TAF1B: variants seen among roughly 807,000 people sequenced by gnomAD.
The protein encoded by TAF1B is TATA box-binding protein-associated factor RNA polymerase I subunit B.
TAF1B carries 61 observed loss-of-function variants against 83.9 expected under a neutral mutation model. The observed-to-expected ratio is 0.73, with a 90% CI of 0.59 to 0.90. The LOEUF is 0.90. TAF1B is among the 40% of genes least tolerant of loss of function. TAF1B has a pLI of 0.00. For missense variants in TAF1B, 625 were observed against 677.0 expected (o/e 0.92, Z 0.85); for synonymous variants, 221 against 224.6 (o/e 0.98, Z 0.14).
At chr2:9,921,679 G>A (rs1453639430) in intron 14 of TAF1B, among the ~76,000 whole-genome samples, 1 of 152,122 alleles carries the variant, frequency 6.6e-6, no homozygotes, top group African/African-American at 2.4e-5. Flanking sequence ...GGAGTATATG[G>A]ATTAAAAATT....
intron 3 of TAF1B, among the ~76,000 whole-genome samples, chr2:9,850,579 T>G (rs1663353921): frequency 6.6e-6 from 1 of 152,154 alleles, no homozygotes; most frequent in Non-Finnish European, 1.5e-5. Context: ...CTTTGTGACA[T>G]TCAGGTAAGG....
At chr2:9,927,865 T>A (rs548033821) in intron 14 of TAF1B, among the ~76,000 whole-genome samples, 2 of 152,366 alleles carry the variant, frequency 1.3e-5, no homozygotes, top group East Asian at 3.9e-4. Context: ...CTTGTTAGTT[T>A]AATTAGGTCC....
chr2:9,884,013 G>A (rs942648583), intron 8 of TAF1B, among the ~76,000 whole-genome samples: 14 of 152,184 alleles, frequency 9.2e-5, no homozygotes, highest in African/African-American at 2.9e-4. Flanking sequence ...TCACGCTACC[G>A]GCCTGGGTCT....
intron 5 of TAF1B, among the ~76,000 whole-genome samples, chr2:9,867,406 C>T (rs1664021029): frequency 6.6e-6 from 1 of 152,234 alleles, no homozygotes; most frequent in Non-Finnish European, 1.5e-5. Flanking sequence ...GCCTCCTTCT[C>T]ACAGGGCTTC....
At chr2:9,867,808 T>C (rs1487215604) in intron 5 of TAF1B, among the ~76,000 whole-genome samples, 1 of 152,156 alleles carries the variant, frequency 6.6e-6, no homozygotes, top group Non-Finnish European at 1.5e-5. Context: ...GAGAAATCAC[T>C]GAAGAGTGGG....
intron 1 of TAF1B, 23 bp downstream of exon 1, chr2:9,843,582 G>A (rs765147517): frequency 2.0e-6 from 3 of 1,507,488 alleles, no homozygotes; most frequent in South Asian, 1.2e-5. Flanking sequence ...TGCACCTGGC[G>A]GGCCACGATC....
intron 6 of TAF1B, chr2:9,868,903 A>G (rs187427481): frequency 2.5e-4 from 85 of 341,390 alleles, no homozygotes; most frequent in African/African-American, 1.7e-3. Flanking sequence ...GAAATAAATA[A>G]GGAATGTATT....
At chr2:9,887,360 C>G (rs1213433164) in intron 8 of TAF1B, among the ~76,000 whole-genome samples, 1 of 152,212 alleles carries the variant, frequency 6.6e-6, no homozygotes, top group Non-Finnish European at 1.5e-5. Flanking sequence ...TTTGAAATCT[C>G]CAACTATGAT....
intron 10 of TAF1B, among the ~76,000 whole-genome samples, chr2:9,911,136 CT>C (rs1665521171): frequency 6.6e-6 from 1 of 152,164 alleles, no homozygotes; most frequent in Admixed American, 6.5e-5. Context: ...TTTGACTCAG[CT>C]GGTTGTCAGT....
chr2:9,910,689 A>G, intron 9 of TAF1B, 47 bp from the exon 10 acceptor site: 5 of 1,536,778 alleles, frequency 3.3e-6, no homozygotes, highest in Non-Finnish European at 4.4e-6. Context: ...TACATTGGGG[A>G]TGGTCTAGTT....
chr2:9,926,804 C>CAAAA (rs71391175), intron 14 of TAF1B, among the ~76,000 whole-genome samples: 13 of 104,732 alleles, frequency 1.2e-4, no homozygotes, highest in Admixed American at 2.0e-4. Flanking sequence ...GACTCTGTCT[C>CAAAA]AAAAAAAAAA....
intron 6 of TAF1B, among the ~76,000 whole-genome samples, chr2:9,870,326 C>CA (rs895783622): frequency 1.3e-5 from 2 of 151,862 alleles, no homozygotes; most frequent in Non-Finnish European, 2.9e-5. Context: ...CTCCATCTCT[C>CA]AAAAAATAAA....
chr2:9,899,685 A>G (rs451444), intron 8 of TAF1B, among the ~76,000 whole-genome samples: 42,503 of 142,018 alleles, frequency 0.3, 6,927 homozygotes, highest in Middle Eastern at 0.42. Flanking sequence ...TTATTACAAA[A>G]GTAATGTATT....
intron 8 of TAF1B, among the ~76,000 whole-genome samples, chr2:9,898,518 T>C (rs947950785): frequency 3.9e-5 from 6 of 152,198 alleles, no homozygotes; most frequent in Non-Finnish European, 7.4e-5. Context: ...TAAAACTGTT[T>C]GGGAACTATA....
At chr2:9,874,444 T>TC (rs1173264930) in intron 6 of TAF1B, among the ~76,000 whole-genome samples, 1 of 145,398 alleles carries the variant, frequency 6.9e-6, no homozygotes, top group Non-Finnish European at 1.5e-5. Context: ...TCAAATGTAA[T>TC]TTTTTTTTTT....
chr2:9,925,537 G>T (rs1666009391), intron 14 of TAF1B, among the ~76,000 whole-genome samples: 2 of 151,912 alleles, frequency 1.3e-5, no homozygotes, highest in South Asian at 2.1e-4. Context: ...GGTGGCAGAG[G>T]GTTTTGTTTG....
chr2:9,861,729 G>A (rs1663769399), intron 5 of TAF1B, among the ~76,000 whole-genome samples: 2 of 152,186 alleles, frequency 1.3e-5, no homozygotes, highest in South Asian at 4.1e-4. Context: ...ACACGGCCAG[G>A]TACTCCTCTG....
intron 4 of TAF1B, among the ~76,000 whole-genome samples, chr2:9,852,635 G>A (rs1240110201): frequency 1.3e-5 from 2 of 152,094 alleles, no homozygotes; most frequent in African/African-American, 4.8e-5. Flanking sequence ...GGGACTACAG[G>A]CACACACTGC....
chr2:9,885,431 G>A (rs1042444115), intron 8 of TAF1B, among the ~76,000 whole-genome samples: 6 of 152,234 alleles, frequency 3.9e-5, no homozygotes, highest in Non-Finnish European at 5.9e-5. Flanking sequence ...TTGCATAAAT[G>A]TAGTTAATTC....
Sources: allele counts gnomAD v4.1 joint callset (sites outside exome capture counted in the v4.1 genomes callset), GRCh38; gene constraint gnomAD v4.1.1; transcripts MANE v1.5; gene names NCBI Gene and HGNC (gene_info 2026-07-23, HGNC 2026-07-21).